Variants in FAM120C observed in about 807,000 individuals in gnomAD.
FAM120C encodes the protein constitutive coactivator of PPAR-gamma-like protein 2.
FAM120C carries 14 observed loss-of-function variants against 71.2 expected under a neutral mutation model. The observed-to-expected ratio is 0.20, with a 90% CI of 0.13 to 0.31. The LOEUF (loss-of-function observed/expected upper bound fraction) is 0.31. FAM120C is among the 10% of genes least tolerant of loss of function. FAM120C has a pLI of 1.00. For missense variants in FAM120C, 500 were observed against 879.0 expected (o/e 0.57, Z 5.45); for synonymous variants, 354 against 353.2 (o/e 1.00, Z -0.03).
At position 54,182,493 on chromosome X, in the gene FAM120C, C is replaced by T; in HGVS notation, c.699+7G>A. On this transcript the variant is annotated splice_region_variant and intron_variant, in intron 1 of 15. Transcript: ENST00000375180. ...GCTTATTATTTAAGATCCGGCCCCT[C>T]CCTCACCTTGACCCGGAAGCGGATG... 1 of 1,204,007 alleles carries T rather than the reference C, an allele frequency of 8.3e-7. No individual in the cohort carries two copies. Among genetic ancestry groups the T allele is most frequent in the Non-Finnish European group, 1.1e-6 (1 of 891,755 alleles).
intron 1 of FAM120C, among the ~76,000 whole-genome samples, chrX:54,170,288 C>T (rs1274636940): frequency 9.0e-6 from 1 of 110,613 alleles, no homozygotes; most frequent in African/African-American, 3.3e-5. Context: ...AGGCGCCCAC[C>T]ACCACGCCCA....
intron 3 of FAM120C, among the ~76,000 whole-genome samples, chrX:54,155,871 G>C (rs2146632893): frequency 9.0e-6 from 1 of 110,825 alleles, no homozygotes; most frequent in South Asian, 3.9e-4. Context: ...TTGATCACTT[G>C]AGCTATGATT....
At chrX:54,142,536 G>C (rs1557131798) in intron 4 of FAM120C, among the ~76,000 whole-genome samples, 2 of 112,068 alleles carry the variant, frequency 1.8e-5, no homozygotes, top group African/African-American at 6.5e-5. Flanking sequence ...CAGCGAGGCT[G>C]GGGGAGGGGC....
chrX:54,171,901 T>A (rs1160808914), intron 1 of FAM120C: 1 of 112,300 alleles, frequency 8.9e-6, no homozygotes, highest in African/African-American at 3.2e-5. Context: ...TGAGAAAGGC[T>A]AATTGAACAA....
At chrX:54,095,355 C>CTTT (rs10710810) in intron 10 of FAM120C, among the ~76,000 whole-genome samples, 1 of 41,185 alleles carries the variant, frequency 2.4e-5, no homozygotes, top group African/African-American at 9.0e-5. Flanking sequence ...TACTCCACAT[C>CTTT]TTTTTTTTTT....
At chrX:54,094,495 C>T (rs1192763667) in intron 10 of FAM120C, among the ~76,000 whole-genome samples, 2 of 109,604 alleles carry the variant, frequency 1.8e-5, no homozygotes, top group African/African-American at 6.6e-5. Context: ...GCACCACCTA[C>T]ATCTCAAAAG....
chrX:54,182,852 G>A lies in FAM120C; in HGVS notation c.347C>T (p.Ala116Val). The A allele has an allele frequency of 8.6e-7, 1 of 1,160,452 alleles. No individual in the cohort carries two copies. Among genetic ancestry groups the A allele is most frequent in the African/African-American group, 1.8e-5 (1 of 56,371 alleles). The change falls in exon 1 of 16, where the codon GCC (alanine) becomes GTC (valine). Residue 116 changes from alanine (A) to valine (V), a missense_variant. Physicochemically the swap from Ala to Val is moderately conservative, Grantham distance 64 (BLOSUM62 0). This residue lies in a region of FAM120C where 79 missense variants were observed against 78.3 expected (regional missense o/e 1.01). Coordinates refer to ENST00000375180, the MANE Select transcript of FAM120C (RefSeq NM_017848.6). ...CGAGCCGGCGTCCACCAGCACCCGG[G>A]CCCCGGGCAGCTGAGGGGGCGGCGG... Reference protein sequence around the residue: ...PPPPPPQLPGARVLVDAGSAL... With the variant: ...PPPPPPQLPGVRVLVDAGSAL...
chrX:54,088,466 T>C, intron 11 of FAM120C, among the ~76,000 whole-genome samples: 1 of 106,582 alleles, frequency 9.4e-6, no homozygotes, highest in East Asian at 3.0e-4. Context: ...ATGGTGGGTG[T>C]TTGTAGTTCC....
intron 9 of FAM120C, among the ~76,000 whole-genome samples, chrX:54,132,453 CA>C (rs1281086683): frequency 1.8e-5 from 2 of 111,952 alleles, no homozygotes; most frequent in Non-Finnish European, 3.8e-5. Context: ...GCTGGGATTA[CA>C]GGTATGAGCT....
At chrX:54,165,493 T>C (rs782346383) in intron 1 of FAM120C, among the ~76,000 whole-genome samples, 1 of 111,577 alleles carries the variant, frequency 9.0e-6, no homozygotes, top group Non-Finnish European at 1.9e-5. Flanking sequence ...ATGAAAATCA[T>C]AGGCCAGGCA....
At chrX:54,146,484 C>T (rs2067157094) in intron 4 of FAM120C, among the ~76,000 whole-genome samples, 1 of 110,530 alleles carries the variant, frequency 9.0e-6, no homozygotes, top group East Asian at 2.8e-4. Flanking sequence ...AGTTTGAGAC[C>T]AGCCTGGGTA....
intron 12 of FAM120C, among the ~76,000 whole-genome samples, chrX:54,087,546 A>T: frequency 9.0e-6 from 1 of 111,415 alleles, no homozygotes; most frequent in Middle Eastern, 4.6e-3. Flanking sequence ...TAAGCTCATT[A>T]AAAAAAACTT....
intron 4 of FAM120C, among the ~76,000 whole-genome samples, chrX:54,138,008 G>T (rs1557130888): frequency 8.9e-6 from 1 of 111,736 alleles, no homozygotes; most frequent in Non-Finnish European, 1.9e-5. Context: ...ACATGAACAA[G>T]AATGTTAACA....
At chrX:54,103,993 C>T (rs988803437) in intron 10 of FAM120C, among the ~76,000 whole-genome samples, 3 of 111,936 alleles carry the variant, frequency 2.7e-5, no homozygotes, top group East Asian at 2.8e-4. Flanking sequence ...GCTTCTTAAA[C>T]GATTTGCTTC....
Position 54,183,209 on chromosome X carries a change from TGGGCAGACGCG to T in FAM120C, c.-22_-12del, listed in dbSNP as rs2067366280. 1 of 1,003,062 alleles carries T rather than the reference TGGGCAGACGCG, an allele frequency of 1.0e-6. No homozygotes were observed. Among genetic ancestry groups the T allele is most frequent in the Non-Finnish European group, 1.3e-6 (1 of 785,937 alleles). 82.7% of individuals were successfully genotyped at this position (1,003,062 alleles called of 1,213,427 possible). The stretch of plus-strand genomic sequence containing the variant: ...GCCCTGGACACCCATGCTTCGTCGG[TGGGCAGACGCG>T]ATAGCGGCTGCGCAAGCAGGATAGG... On this transcript the variant is annotated 5_prime_UTR_variant, in exon 1 of 16. Transcript: ENST00000375180.
At chrX:54,076,026 T>C (rs1302811948) in intron 15 of FAM120C, among the ~76,000 whole-genome samples, 4 of 107,919 alleles carry the variant, frequency 3.7e-5, no homozygotes, top group Non-Finnish European at 7.7e-5. Context: ...AGCAGGAGAA[T>C]TGCTTGAACC....
intron 1 of FAM120C, among the ~76,000 whole-genome samples, chrX:54,176,450 A>G (rs911259939): frequency 3.7e-5 from 4 of 109,186 alleles, no homozygotes; most frequent in Non-Finnish European, 7.6e-5. Flanking sequence ...AAAAAAAAAA[A>G]AGAGATTTAA....
At chrX:54,076,159 T>G (rs1557120650) in intron 15 of FAM120C, among the ~76,000 whole-genome samples, 1 of 104,985 alleles carries the variant, frequency 9.5e-6, no homozygotes. Flanking sequence ...GCCAATATGG[T>G]GAAACCCTGT....
Position 54,071,991 on chromosome X carries a change from T to C in FAM120C, c.*1042A>G, listed in dbSNP as rs1557120091. 3 of 104,136 alleles carry C rather than the reference T, an allele frequency of 2.9e-5. No individual in the cohort carries two copies. Among genetic ancestry groups the C allele is most frequent in the Non-Finnish European group, 5.9e-5 (3 of 50,957 alleles). 8.6% of individuals were successfully genotyped at this position (104,136 alleles called of 1,213,427 possible). On this transcript the variant is annotated 3_prime_UTR_variant, in exon 16 of 16. Transcript: ENST00000375180. ...ATGTGTGTATATATGTGTGTATATATATATACACACATATATACACACATA... is the reference window on the plus strand; with the variant it reads ...ATGTGTGTATATATGTGTGTATATACATATACACACATATATACACACATA...
Sources: allele counts gnomAD v4.1 joint callset (sites outside exome capture counted in the v4.1 genomes callset), GRCh38; gene constraint gnomAD v4.1.1; regional missense constraint gnomAD v4.1.1; transcripts MANE v1.5; gene names NCBI Gene and HGNC (gene_info 2026-07-23, HGNC 2026-07-21).